Variants in GRIK1 observed in about 807,000 individuals in gnomAD.
GRIK1 encodes glutamate receptor ionotropic, kainate 1.
In GRIK1, 69 loss-of-function variants were observed where a neutral mutation model predicts 105.7. The observed-to-expected ratio is 0.65, with a 90% confidence interval of 0.54 to 0.80. The LOEUF (loss-of-function observed/expected upper bound fraction) is 0.80. GRIK1 is among the 30% of genes least tolerant of loss of function. GRIK1 has a pLI of 0.00. For missense variants in GRIK1, 1,109 were observed against 1,167.3 expected, an observed-to-expected ratio of 0.95 and a Z score of 0.73; for synonymous variants, 438 against 431.3, an observed-to-expected ratio of 1.02 and a Z score of -0.19.
chr21:29,876,620 C>T (rs1309841925), intron 1 of GRIK1, among the ~76,000 whole-genome samples: 1 of 152,122 alleles, frequency 6.6e-6, no homozygotes, highest in African/African-American at 2.4e-5. Flanking sequence ...TGGGATTACA[C>T]CCACGTTATC....
chr21:29,759,983 G>T (rs920540453), intron 1 of GRIK1: 3 of 152,134 alleles, frequency 2.0e-5, no homozygotes, highest in Non-Finnish European at 4.4e-5. Context: ...CCATTTATTG[G>T]TTGTCCATAA....
chr21:29,861,693 G>T, intron 1 of GRIK1: 1 of 454,822 alleles, frequency 2.2e-6, no homozygotes, highest in Non-Finnish European at 4.4e-6. Context: ...TTTGCCAAAT[G>T]TATTTTCTGC....
intron 1 of GRIK1, among the ~76,000 whole-genome samples, chr21:29,925,091 G>A (rs2832484): frequency 0.6 from 91,475 of 152,154 alleles, 29,857 homozygotes; most frequent in East Asian, 0.83. Flanking sequence ...ACTACGTGAT[G>A]CCTTGTCATA....
At chr21:29,927,826 G>A (rs368021757) in intron 1 of GRIK1, among the ~76,000 whole-genome samples, 3 of 151,856 alleles carry the variant, frequency 2.0e-5, no homozygotes, top group East Asian at 3.9e-4. Context: ...AGCCAAGATC[G>A]CACCACTGCA....
At chr21:29,738,118 A>G (rs2146926720) in intron 1 of GRIK1, among the ~76,000 whole-genome samples, 1 of 152,368 alleles carries the variant, frequency 6.6e-6, no homozygotes, top group East Asian at 1.9e-4. Context: ...ACAGAACTGA[A>G]TGGAAGTGCG....
At chr21:29,899,468 T>C (rs147109775) in intron 1 of GRIK1, among the ~76,000 whole-genome samples, 1 of 152,316 alleles carries the variant, frequency 6.6e-6, no homozygotes, top group African/African-American at 2.4e-5. Flanking sequence ...TGCCTTGCTG[T>C]CCTGATCAGT....
chr21:29,565,620 G>T lies in GRIK1; in HGVS notation c.2131-3771C>A, dbSNP rs150548681. On this transcript the variant is annotated intron_variant, in intron 14 of 17. Coordinates refer to ENST00000327783, the MANE Select transcript of GRIK1 (RefSeq NM_001330994.2). ...GCTAATTTTTTGTATTTTTAGTAAA[G>T]ACAGGGTTTCACCATGTTGGCCAGG... 2.0e-4 allele frequency among the ~76,000 whole-genome samples: 31 copies of T among 152,238 alleles called. No homozygotes were observed. The East Asian group carries it at 6.0e-3, about 29-fold the overall frequency.
chr21:29,903,217 C>T (rs1469095325), intron 1 of GRIK1, among the ~76,000 whole-genome samples: 4 of 152,126 alleles, frequency 2.6e-5, no homozygotes, highest in Admixed American at 6.5e-5. Flanking sequence ...AGGATATAAG[C>T]ATGGGCAAAG....
In GRIK1 at chr21:29,707,767, C is replaced by T. The variant is rs144221140; in HGVS notation, c.119-13704G>A. On this transcript the variant is annotated intron_variant, in intron 1 of 17. Transcript: ENST00000327783. The stretch of plus-strand genomic sequence containing the variant: ...AAAGTGCTGGGATTACAGGCGTAAA[C>T]CACCGCGCCTGGCCTGACTCTATCC... Among the ~76,000 whole-genome samples the T allele has an allele frequency of 6.4e-3, 976 of 152,188 alleles. 12 individuals are homozygous for T. The highest frequency in any genetic ancestry group is 0.022 in the African/African-American group (930 of 41,524).
At chr21:29,902,538 T>C (rs1178699716) in intron 1 of GRIK1, among the ~76,000 whole-genome samples, 1 of 152,164 alleles carries the variant, frequency 6.6e-6, no homozygotes, top group Non-Finnish European at 1.5e-5. Context: ...GAACTCTCAT[T>C]CACAATTGCT....
At chr21:29,574,228 A>T (rs1042796484) in intron 14 of GRIK1, among the ~76,000 whole-genome samples, 1 of 152,202 alleles carries the variant, frequency 6.6e-6, no homozygotes, top group Non-Finnish European at 1.5e-5. Flanking sequence ...CAGATAAGGG[A>T]TCCACAGCCT....
chr21:29,617,220 C>G (rs752458125), intron 7 of GRIK1, among the ~76,000 whole-genome samples: 1 of 152,146 alleles, frequency 6.6e-6, no homozygotes, highest in Non-Finnish European at 1.5e-5. Flanking sequence ...TGGGAGCAAT[C>G]GAAGAGTTGC....
intron 1 of GRIK1, among the ~76,000 whole-genome samples, chr21:29,799,407 T>C (rs968035500): frequency 1.3e-5 from 2 of 152,198 alleles, no homozygotes; most frequent in African/African-American, 2.4e-5. Context: ...AGACATTAGG[T>C]GACCTGTCCA....
chr21:29,835,812 C>G (rs1478954680), intron 1 of GRIK1, among the ~76,000 whole-genome samples: 1 of 152,098 alleles, frequency 6.6e-6, no homozygotes, highest in Admixed American at 6.6e-5. Flanking sequence ...CTTATTAACT[C>G]ATTTTGTCGT....
At chr21:29,687,754 C>T (rs780973118) in intron 3 of GRIK1, among the ~76,000 whole-genome samples, 3 of 152,210 alleles carry the variant, frequency 2.0e-5, no homozygotes, top group Non-Finnish European at 4.4e-5. Flanking sequence ...GTTAGAATAT[C>T]AAGTTTTCTG....
At position 29,628,778 on chromosome 21, in the gene GRIK1, A is replaced by G. The variant is rs537035650; in HGVS notation, c.1098+14048T>C. On this transcript the variant is annotated intron_variant, in intron 7 of 17. Transcript: ENST00000327783. ...ATAAAACCCAAAAATCAGATTAGTCAGTCTCAAATTACTCAAATTACTTTG... is the reference window on the plus strand; with the variant it reads ...ATAAAACCCAAAAATCAGATTAGTCGGTCTCAAATTACTCAAATTACTTTG... Among the ~76,000 whole-genome samples, 3 of 152,344 alleles carry G rather than the reference A, an allele frequency of 2.0e-5. No individual in the cohort carries two copies. In the South Asian group the frequency reaches 6.2e-4, roughly 32 times the overall value.
intron 4 of GRIK1, among the ~76,000 whole-genome samples, chr21:29,671,967 T>A (rs560721058): frequency 6.6e-6 from 1 of 152,162 alleles, no homozygotes; most frequent in East Asian, 1.9e-4. Flanking sequence ...CCCCAAAATG[T>A]CTTCAGACAT....
intron 3 of GRIK1, among the ~76,000 whole-genome samples, 169 bp downstream of exon 3, chr21:29,689,559 A>G (rs917367643): frequency 6.6e-6 from 1 of 152,250 alleles, no homozygotes; most frequent in African/African-American, 2.4e-5. Flanking sequence ...ACAAAAAGAA[A>G]TGTGAATTAT....
intron 16 of GRIK1, among the ~76,000 whole-genome samples, chr21:29,544,326 G>T (rs1287896237): frequency 6.6e-6 from 1 of 152,122 alleles, no homozygotes; most frequent in Admixed American, 6.5e-5. Flanking sequence ...AAAAAATTTT[G>T]CACATGGGGT....
Sources: allele counts gnomAD v4.1 joint callset (sites outside exome capture counted in the v4.1 genomes callset), GRCh38; gene constraint gnomAD v4.1.1; transcripts MANE v1.5; gene names NCBI Gene and HGNC (gene_info 2026-07-23, HGNC 2026-07-21).